Variants in CCAR1 observed in about 807,000 individuals in gnomAD.
The protein encoded by CCAR1 is cell division cycle and apoptosis regulator 1, also known as cell division cycle and apoptosis regulator protein 1.
A neutral mutation model predicts 163.8 loss-of-function variants in CCAR1; 78 were observed. The ratio of observed to expected loss-of-function variants is 0.48; its 90% confidence interval spans 0.40 to 0.57. The LOEUF (loss-of-function observed/expected upper bound fraction) is 0.57, where lower values mean the gene tolerates loss of function less well. Ranked by LOEUF, CCAR1 falls within the 20% of genes least tolerant of loss-of-function variation. The pLI is 0.00. For missense variants in CCAR1, 1,019 were observed against 1,365.2 expected (o/e 0.75, Z 4.00); for synonymous variants, 443 against 460.7 (o/e 0.96, Z 0.49).
At chr10:68,751,367 G>T (rs1564538033) in intron 10 of CCAR1, among the ~76,000 whole-genome samples, 1 of 151,996 alleles carries the variant, frequency 6.6e-6, no homozygotes, top group Non-Finnish European at 1.5e-5. Context: ...TCTTCTTATA[G>T]CTGCTTACTC....
At chr10:68,737,294 C>T (rs1221482933) in intron 3 of CCAR1, among the ~76,000 whole-genome samples, 1 of 151,776 alleles carries the variant, frequency 6.6e-6, no homozygotes, top group Non-Finnish European at 1.5e-5. Context: ...CGTCTGAGCC[C>T]GGGAATTTGA....
intron 2 of CCAR1, among the ~76,000 whole-genome samples, chr10:68,728,042 G>T (rs112505944): frequency 0.029 from 4,477 of 152,236 alleles, 80 homozygotes; most frequent in Non-Finnish European, 0.042. Context: ...TCACCATGTT[G>T]TCCAGGCTGC....
At chr10:68,738,340 A>G (rs919211916) in intron 4 of CCAR1, among the ~76,000 whole-genome samples, 3 of 152,172 alleles carry the variant, frequency 2.0e-5, no homozygotes, top group African/African-American at 7.2e-5. Context: ...AGGCAGGAGA[A>G]TCGCTTGAAC....
At chr10:68,738,553 C>CT (rs2056142686) in intron 4 of CCAR1, among the ~76,000 whole-genome samples, 1 of 152,166 alleles carries the variant, frequency 6.6e-6, no homozygotes, top group Admixed American at 6.6e-5. Flanking sequence ...ATGAAAGCTC[C>CT]TTTTGCTGAT....
intron 5 of CCAR1, among the ~76,000 whole-genome samples, chr10:68,741,042 T>C (rs928674305): frequency 6.6e-6 from 1 of 151,838 alleles, no homozygotes; most frequent in African/African-American, 2.4e-5. Context: ...GCCTCCTGAG[T>C]AGCTGGGATT....
intron 15 of CCAR1, among the ~76,000 whole-genome samples, chr10:68,758,641 A>C (rs374741210): frequency 4.5e-5 from 1 of 22,350 alleles, no homozygotes; most frequent in Non-Finnish European, 1.3e-4. Context: ...GTATATATAC[A>C]CACGTGTATA....
chr10:68,790,611 C>T (rs975695885), intron 24 of CCAR1, among the ~76,000 whole-genome samples: 1 of 152,018 alleles, frequency 6.6e-6, no homozygotes, highest in Non-Finnish European at 1.5e-5. Context: ...TCACTGCAGC[C>T]TCTGCCTCCT....
In CCAR1 at chr10:68,756,480, A is replaced by G; in HGVS notation, c.1833A>G (p.Glu611=). ...LQGERKEADG[E]QDEEEKDDGE... ...GTGAACGCAAGGAGGCTGATGGAGAACAGGCACTGAACGCTAATCCCTTTT... is the reference window on the plus strand; with the variant it reads ...GTGAACGCAAGGAGGCTGATGGAGAGCAGGCACTGAACGCTAATCCCTTTT... The change falls in exon 14 of 25, where the codon GAA becomes GAG. Residue 611 remains glutamate, a synonymous_variant. Transcript: ENST00000265872. The surrounding 1 kb of genome is among the most constrained non-coding windows in gnomAD (Gnocchi z 5.1). 1.2e-6 allele frequency: 2 copies of G among 1,605,674 alleles called. No individual in the cohort carries two copies. Among genetic ancestry groups the G allele is most frequent in the Non-Finnish European group, 1.7e-6 (2 of 1,175,626 alleles).
chr10:68,776,288 G>A (rs1310665098), intron 19 of CCAR1, among the ~76,000 whole-genome samples: 1 of 150,886 alleles, frequency 6.6e-6, no homozygotes, highest in Non-Finnish European at 1.5e-5. Context: ...GTTGGACTGG[G>A]CACAGTGGCT....
At chr10:68,784,229 T>C (rs2056769735) in intron 19 of CCAR1, among the ~76,000 whole-genome samples, 1 of 152,018 alleles carries the variant, frequency 6.6e-6, no homozygotes, top group African/African-American at 2.4e-5. Context: ...TATTTATTTA[T>C]TTATGAGATG....
intron 20 of CCAR1, among the ~76,000 whole-genome samples, 156 bp from the exon 21 acceptor site, chr10:68,786,390 C>T (rs996282926): frequency 6.6e-6 from 1 of 152,096 alleles, no homozygotes; most frequent in African/African-American, 2.4e-5. Flanking sequence ...ATTCTTTTCT[C>T]TCATATTCGT....
chr10:68,764,230 A>T (rs7093887), intron 16 of CCAR1, among the ~76,000 whole-genome samples: 12,075 of 152,148 alleles, frequency 0.079, 1,336 homozygotes, highest in African/African-American at 0.25. Flanking sequence ...AATATTTAGT[A>T]ATGAAGCAGC....
intron 21 of CCAR1, among the ~76,000 whole-genome samples, chr10:68,787,188 A>G (rs1241234938): frequency 6.6e-6 from 1 of 152,056 alleles, no homozygotes; most frequent in East Asian, 1.9e-4. Context: ...ATAAAATTCT[A>G]GATCTTTTTG....
chr10:68,787,706 G>A (rs1428337946), intron 21 of CCAR1: 2 of 369,084 alleles, frequency 5.4e-6, no homozygotes, highest in East Asian at 5.7e-5. Flanking sequence ...ATGATGGCGG[G>A]TGCCTGTAAT....
intron 13 of CCAR1, 86 bp downstream of exon 13, chr10:68,755,622 T>C: frequency 8.5e-7 from 1 of 1,178,316 alleles, no homozygotes; most frequent in South Asian, 1.8e-5. Flanking sequence ...TCCCCCCGGC[T>C]TATTTTAGCA....
intron 10 of CCAR1, among the ~76,000 whole-genome samples, chr10:68,750,917 A>G (rs973429716): frequency 2.6e-5 from 4 of 152,190 alleles, no homozygotes; most frequent in Non-Finnish European, 5.9e-5. Context: ...ATTTTAGTCA[A>G]GCTACTTAAT....
chr10:68,780,613 G>A (rs943740123), intron 19 of CCAR1, among the ~76,000 whole-genome samples: 4 of 152,056 alleles, frequency 2.6e-5, no homozygotes, highest in Non-Finnish European at 4.4e-5. Flanking sequence ...TTTATTGTGC[G>A]CCAAAGATAG....
intron 4 of CCAR1, among the ~76,000 whole-genome samples, 186 bp downstream of exon 4, chr10:68,738,075 C>T (rs1307033125): frequency 6.6e-6 from 1 of 152,094 alleles, no homozygotes; most frequent in African/African-American, 2.4e-5. Context: ...GGAGGGTGGT[C>T]CTAACAACCC....
chr10:68,790,999 A>C (rs1249769668), intron 24 of CCAR1, among the ~76,000 whole-genome samples: 2 of 151,946 alleles, frequency 1.3e-5, no homozygotes, highest in Non-Finnish European at 2.9e-5. Context: ...CACCTGCCCC[A>C]TTCACTGCAT....
Sources: allele counts gnomAD v4.1 joint callset (sites outside exome capture counted in the v4.1 genomes callset), GRCh38; gene constraint gnomAD v4.1.1; non-coding constraint Gnocchi (gnomAD v3.1); transcripts MANE v1.5; gene names NCBI Gene and HGNC (gene_info 2026-07-23, HGNC 2026-07-21).